Variants in PPP1R12B observed in about 807,000 individuals in gnomAD.
The protein encoded by PPP1R12B is myosin phosphatase target subunit 2.
In PPP1R12B, 76 loss-of-function variants were observed where a neutral mutation model predicts 126.1. The observed-to-expected ratio is 0.60, with a 90% CI of 0.50 to 0.73. The LOEUF is 0.73. PPP1R12B is among the 30% of genes least tolerant of loss of function. The probability of loss-of-function intolerance (pLI) is 0.00; values close to 1 mark genes in which losing one functional copy is unlikely to be tolerated. For synonymous variants in PPP1R12B, 356 were observed against 434.7 expected, an observed-to-expected ratio of 0.82 and a Z score of 2.25; for missense variants, 1,052 against 1,205.1, an observed-to-expected ratio of 0.87 and a Z score of 1.88.
intron 23 of PPP1R12B, among the ~76,000 whole-genome samples, chr1:202,571,787 A>C (rs530792709): frequency 1.1e-4 from 17 of 152,126 alleles, no homozygotes; most frequent in Non-Finnish European, 2.5e-4. Flanking sequence ...TAAAACATTC[A>C]GATTCAGTCA....
intron 13 of PPP1R12B, among the ~76,000 whole-genome samples, chr1:202,478,681 TA>T: frequency 6.6e-6 from 1 of 152,172 alleles, no homozygotes; most frequent in Non-Finnish European, 1.5e-5. Context: ...TGCAGTAAAA[TA>T]AAAATGAGAT....
rs1164402522 is a variant in PPP1R12B, at chr1:202,434,777, T to C, written c.1254+9T>C. 5 of 1,612,442 alleles carry C rather than the reference T, an allele frequency of 3.1e-6. No homozygotes were observed. The highest frequency in any genetic ancestry group is 4.2e-6 in the Non-Finnish European group (5 of 1,179,622). Reference sequence around the variant, plus strand: ...CCTCTTCTGCTAGGAGGGTGAGTACTTTTTACTTAATTTGGGAATTAGATT... The same window carrying C: ...CCTCTTCTGCTAGGAGGGTGAGTACCTTTTACTTAATTTGGGAATTAGATT... On this transcript the variant is annotated intron_variant, in intron 9 of 23. Coordinates refer to ENST00000608999, the MANE Select transcript of PPP1R12B (RefSeq NM_002481.4).
At chr1:202,438,698 G>C in intron 10 of PPP1R12B, 1 of 625,512 alleles carries the variant, frequency 1.6e-6, no homozygotes, top group Non-Finnish European at 2.9e-6. Flanking sequence ...AAGCCGCCCA[G>C]TCAAGGGCCA....
intron 23 of PPP1R12B, among the ~76,000 whole-genome samples, chr1:202,573,948 A>T (rs942185393): frequency 1.3e-5 from 2 of 152,320 alleles, no homozygotes; most frequent in East Asian, 3.9e-4. Flanking sequence ...CAAAGAAAGC[A>T]TGATTAGCTG....
intron 5 of PPP1R12B, 32 bp from the exon 6 acceptor site, chr1:202,428,823 C>G: frequency 6.3e-7 from 1 of 1,581,810 alleles, no homozygotes. Flanking sequence ...CTTCTGTTTT[C>G]TATCAGTCAT....
intron 23 of PPP1R12B, among the ~76,000 whole-genome samples, chr1:202,571,275 A>T (rs1688570874): frequency 6.6e-6 from 1 of 152,202 alleles, no homozygotes; most frequent in Non-Finnish European, 1.5e-5. Flanking sequence ...AAACTAGATC[A>T]TGAGTTCTTT....
intron 21 of PPP1R12B, 180 bp from the exon 22 acceptor site, chr1:202,567,598 G>A (rs2149024579): frequency 1.6e-6 from 1 of 613,118 alleles, no homozygotes; most frequent in Non-Finnish European, 2.9e-6. Flanking sequence ...CTTCAGAGAG[G>A]TGATAATGTT....
In PPP1R12B at chr1:202,580,131, G is replaced by C. The variant is rs543515116; in HGVS notation, c.2863-343G>C. On this transcript the variant is annotated intron_variant, in intron 23 of 23. Transcript: ENST00000608999. ...TGGCTCTCTCCCCAATTTCTTTAGG[G>C]GTGAGTTTAAGGGCAGGAGAAATTG... is the stretch of plus-strand genomic sequence containing the variant. Among the ~76,000 whole-genome samples the C allele has an allele frequency of 4.7e-4, 71 of 152,196 alleles. No homozygotes were observed. The South Asian group carries it at 7.5e-3, about 16-fold the overall frequency.
intron 18 of PPP1R12B, among the ~76,000 whole-genome samples, chr1:202,519,538 C>T (rs1682541286): frequency 6.6e-6 from 1 of 152,166 alleles, no homozygotes; most frequent in Non-Finnish European, 1.5e-5. Flanking sequence ...TCCCAAAGTG[C>T]TGGGATTACA....
In PPP1R12B at chr1:202,449,100, T is replaced by C; in HGVS notation, c.1779T>C (p.Asn593=). ...ITNRPLPSTA[N]GVTATPVLSI... The stretch of plus-strand genomic sequence containing the variant: ...ATCGCCCTCTTCCTAGCACTGCCAA[T>C]GGGGTTACAGCTACTCCTGTGCTCT... The change falls in exon 13 of 24, where the codon AAT becomes AAC. Residue 593 remains asparagine (N), a synonymous_variant. Transcript: ENST00000608999. 6 of 1,613,824 alleles carry C rather than the reference T, an allele frequency of 3.7e-6. No homozygotes were observed. Among genetic ancestry groups the C allele is most frequent in the Non-Finnish European group, 5.1e-6 (6 of 1,179,830 alleles).
intron 21 of PPP1R12B, among the ~76,000 whole-genome samples, chr1:202,566,906 C>G (rs185099378): frequency 6.6e-5 from 10 of 152,188 alleles, no homozygotes; most frequent in Admixed American, 2.0e-4. Flanking sequence ...AAAATAATCA[C>G]CCAGCAGTTA....
At position 202,439,005 on chromosome 1, in the gene PPP1R12B, A is replaced by G. The variant is rs560711346; in HGVS notation, c.1458+981A>G. 8.2e-5 allele frequency: 118 copies of G among 1,444,812 alleles called. No individual in the cohort carries two copies. In the African/African-American group the frequency reaches 1.3e-3, roughly 16 times the overall value. 89.5% of individuals were successfully genotyped at this position (1,444,812 alleles called of 1,614,324 possible). A position where few individuals can be genotyped will look rare whatever the true frequency, so the allele number is the denominator to read the frequency against. ...CGCATGGCCCTGGCCAACCGGAAGC[A>G]GGAGTGCGGCAGTGCCCACTACCAG... On this transcript the variant is annotated intron_variant, in intron 10 of 23. Coordinates refer to ENST00000608999, the MANE Select transcript of PPP1R12B (RefSeq NM_002481.4).
intron 8 of PPP1R12B, 53 bp from the exon 9 acceptor site, chr1:202,434,603 A>G: frequency 6.4e-7 from 1 of 1,574,074 alleles, no homozygotes; most frequent in Admixed American, 2.1e-5. Flanking sequence ...ACATAGACAC[A>G]AAGATAAGAT....
intron 1 of PPP1R12B, among the ~76,000 whole-genome samples, chr1:202,350,851 C>T (rs556824101): frequency 6.6e-6 from 1 of 152,098 alleles, no homozygotes; most frequent in African/African-American, 2.4e-5. Flanking sequence ...AAACTCCTGA[C>T]CTCAGGAGAT....
At chr1:202,352,145 C>T (rs1298907398) in intron 1 of PPP1R12B, among the ~76,000 whole-genome samples, 2 of 152,110 alleles carry the variant, frequency 1.3e-5, no homozygotes, top group African/African-American at 2.4e-5. Flanking sequence ...ATTATAGAAC[C>T]CTTGAAAGCA....
At chr1:202,574,052 C>A (rs1193594477) in intron 23 of PPP1R12B, among the ~76,000 whole-genome samples, 2 of 151,620 alleles carry the variant, frequency 1.3e-5, no homozygotes, top group African/African-American at 4.9e-5. Flanking sequence ...CAGAGGAAAA[C>A]TATCAGGGTT....
At chr1:202,477,756 C>T (rs1168523406) in intron 13 of PPP1R12B, among the ~76,000 whole-genome samples, 3 of 152,098 alleles carry the variant, frequency 2.0e-5, no homozygotes, top group Non-Finnish European at 4.4e-5. Context: ...TGACAAAGTA[C>T]AAAGTGTATC....
intron 3 of PPP1R12B, among the ~76,000 whole-genome samples, chr1:202,425,008 A>T (rs866838262): frequency 6.6e-6 from 1 of 152,184 alleles, no homozygotes; most frequent in Non-Finnish European, 1.5e-5. Flanking sequence ...AAGATTTTGG[A>T]TACTCATCCT....
At chr1:202,543,657 A>C (rs577660136) in intron 18 of PPP1R12B, among the ~76,000 whole-genome samples, 41 of 152,308 alleles carry the variant, frequency 2.7e-4, no homozygotes, top group African/African-American at 9.9e-4. Context: ...GAATCGATTG[A>C]ACCCGGAAGG....
Sources: gnomAD v4.1 joint callset for allele counts (sites outside exome capture counted in the v4.1 genomes callset) on GRCh38, gnomAD v4.1.1 for gene constraint, MANE v1.5 for transcripts, NCBI Gene and HGNC (gene_info 2026-07-23, HGNC 2026-07-21) for gene names.